CSMD1: variants seen among roughly 807,000 people sequenced by gnomAD.
CSMD1 encodes the protein CUB and sushi domain-containing protein 1.
Under a neutral mutation model 417.5 loss-of-function variants are expected in CSMD1, and 213 were observed. The ratio of observed to expected loss-of-function variants is 0.51; its 90% CI spans 0.46 to 0.57. The LOEUF is 0.57. Among genes scored for constraint, CSMD1 ranks in the 20% least tolerant of loss-of-function variants. The pLI is 0.00. For missense variants in CSMD1, 6,923 were observed against 4,529.7 expected (o/e 1.53, Z -15.17); for synonymous variants, 2,862 against 1,736.8 (o/e 1.65, Z -16.11).
chr8:4,000,038 T>C (rs1384822705), intron 4 of CSMD1, among the ~76,000 whole-genome samples: 10 of 152,368 alleles, frequency 6.6e-5, no homozygotes, highest in African/African-American at 1.9e-4. Flanking sequence ...AATAACTGTG[T>C]GTATACTACA....
chr8:3,977,937 G>C lies in CSMD1; in HGVS notation c.818+19966C>G, dbSNP rs186604928. Among the ~76,000 whole-genome samples the C allele has an allele frequency of 2.0e-5, 3 of 152,202 alleles. No individual in the cohort carries two copies. In the South Asian group the frequency reaches 6.2e-4, roughly 32 times the overall value. On this transcript the variant is annotated intron_variant, in intron 5 of 69. Coordinates refer to ENST00000635120, the MANE Select transcript of CSMD1 (RefSeq NM_033225.6). ...CATGTCAGCCACATCGTGCCATGGA[G>C]AGGTCATGTGCACGGCTGCCTTTTA...
intron 1 of CSMD1, among the ~76,000 whole-genome samples, chr8:4,850,908 C>T (rs967015330): frequency 6.8e-6 from 1 of 147,456 alleles, no homozygotes; most frequent in African/African-American, 2.5e-5. Flanking sequence ...TTTCCCTTGC[C>T]CCCCCACTTT....
chr8:3,461,282 G>C (rs998259468), intron 12 of CSMD1, among the ~76,000 whole-genome samples: 9 of 152,208 alleles, frequency 5.9e-5, no homozygotes, highest in African/African-American at 1.9e-4. Flanking sequence ...AAGTCCAGAA[G>C]GCTTTTGCTG....
intron 1 of CSMD1, among the ~76,000 whole-genome samples, chr8:4,937,314 A>T (rs938762435): frequency 6.6e-6 from 1 of 152,226 alleles, no homozygotes; most frequent in Non-Finnish European, 1.5e-5. Context: ...GGACTCTACA[A>T]GTTACTTTCC....
chr8:4,807,444 G>C (rs927609882), intron 1 of CSMD1, among the ~76,000 whole-genome samples: 1 of 152,110 alleles, frequency 6.6e-6, no homozygotes, highest in Non-Finnish European at 1.5e-5. Context: ...AGACTCATGG[G>C]GCACACTTGA....
intron 49 of CSMD1, among the ~76,000 whole-genome samples, chr8:3,068,792 C>A (rs923465461): frequency 2.6e-5 from 4 of 152,084 alleles, no homozygotes; most frequent in African/African-American, 9.7e-5. Context: ...GAGGGATCCA[C>A]CCCCATGATC....
At chr8:4,073,222 T>G (rs1456980651) in intron 3 of CSMD1, among the ~76,000 whole-genome samples, 1 of 152,044 alleles carries the variant, frequency 6.6e-6, no homozygotes, top group Non-Finnish European at 1.5e-5. Context: ...TTTTTAAAAA[T>G]AAAAAGCAAT....
At chr8:4,186,290 G>A (rs536034285) in intron 3 of CSMD1, among the ~76,000 whole-genome samples, 3 of 152,204 alleles carry the variant, frequency 2.0e-5, no homozygotes, top group East Asian at 1.9e-4. Flanking sequence ...AAGGAGGCCC[G>A]TGTTCAAGGT....
At chr8:3,466,425 T>G (rs749116500) in intron 12 of CSMD1, among the ~76,000 whole-genome samples, 2 of 152,046 alleles carry the variant, frequency 1.3e-5, no homozygotes, top group African/African-American at 2.4e-5. Context: ...TTTTTCTTTT[T>G]TTAAGATGGA....
At chr8:3,949,670 G>C (rs187505807) in intron 5 of CSMD1, among the ~76,000 whole-genome samples, 2 of 152,062 alleles carry the variant, frequency 1.3e-5, no homozygotes, top group Non-Finnish European at 2.9e-5. Context: ...ATGAGAGAAA[G>C]GAGGAGGAGA....
rs193061253 is a variant in CSMD1 at position 4,675,797 on chromosome 8, G to A, written c.86-38239C>T. On this transcript the variant is annotated intron_variant, in intron 1 of 69. Coordinates refer to ENST00000635120, the MANE Select transcript of CSMD1 (RefSeq NM_033225.6). ...GCCTGTGTTTACATTCAGGTACTCT[G>A]TTTTCTTTGAACGAAAGCCAAAGGT... is the stretch of plus-strand genomic sequence containing the variant. Among the ~76,000 whole-genome samples the A allele has an allele frequency of 1.5e-3, 229 of 152,184 alleles. 1 individual carries two copies. The highest frequency in any genetic ancestry group is 2.8e-3 in the Non-Finnish European group (192 of 68,018).
chr8:3,275,520 G>T (rs1802215496), intron 26 of CSMD1, among the ~76,000 whole-genome samples: 1 of 152,208 alleles, frequency 6.6e-6, no homozygotes, highest in Non-Finnish European at 1.5e-5. Flanking sequence ...ATCCTGCAGA[G>T]TGTTTTCCTA....
chr8:4,947,904 T>G (rs1404128387), intron 1 of CSMD1, among the ~76,000 whole-genome samples: 1 of 152,126 alleles, frequency 6.6e-6, no homozygotes, highest in Non-Finnish European at 1.5e-5. Flanking sequence ...TCCATTCTCC[T>G]GTAAGACATT....
chr8:4,075,413 T>A (rs1799770781), intron 3 of CSMD1, among the ~76,000 whole-genome samples: 1 of 152,180 alleles, frequency 6.6e-6, no homozygotes, highest in East Asian at 1.9e-4. Context: ...ATTTTTAATA[T>A]CAAAATAAAT....
Position 4,279,492 on chromosome 8 carries a change from T to G in CSMD1, c.415+140461A>C, listed in dbSNP as rs559325338. Among the ~76,000 whole-genome samples, 367 of 152,314 alleles carry G rather than the reference T, an allele frequency of 2.4e-3. 7 individuals are homozygous for G. Among genetic ancestry groups the G allele is most frequent in the Non-Finnish European group, 1.0e-3 (71 of 68,042 alleles). On this transcript the variant is annotated intron_variant, in intron 3 of 69. Coordinates refer to ENST00000635120, the MANE Select transcript of CSMD1 (RefSeq NM_033225.6). Reference sequence around the variant, plus strand: ...AATAGCGTTTTTTCATGAGCAGGAATACTGACTTTATTACTCAATGTCAAT... The same window carrying G: ...AATAGCGTTTTTTCATGAGCAGGAAGACTGACTTTATTACTCAATGTCAAT...
intron 2 of CSMD1, among the ~76,000 whole-genome samples, chr8:4,617,635 C>G (rs537529051): frequency 2.4e-4 from 36 of 152,252 alleles, no homozygotes; most frequent in African/African-American, 8.7e-4. Context: ...AATACTCTTC[C>G]CAGATCTCCA....
At chr8:3,307,983 C>G (rs1805015638) in intron 24 of CSMD1, among the ~76,000 whole-genome samples, 162 bp from the exon 25 acceptor site, 1 of 152,106 alleles carries the variant, frequency 6.6e-6, no homozygotes, top group South Asian at 2.1e-4. Context: ...TCTTCCAAAT[C>G]ATTACCTCTG....
chr8:4,314,351 T>C (rs1798802332), intron 3 of CSMD1, among the ~76,000 whole-genome samples: 2 of 152,320 alleles, frequency 1.3e-5, no homozygotes, highest in South Asian at 2.1e-4. Context: ...CCACCTGCCA[T>C]AGAACATTTC....
intron 4 of CSMD1, among the ~76,000 whole-genome samples, chr8:4,007,870 T>G (rs924171083): frequency 2.6e-5 from 4 of 152,174 alleles, no homozygotes; most frequent in Non-Finnish European, 5.9e-5. Context: ...TATTTAGTTA[T>G]AGAGATCTGT....
Sources: allele counts gnomAD v4.1 joint callset (sites outside exome capture counted in the v4.1 genomes callset), GRCh38; gene constraint gnomAD v4.1.1; transcripts MANE v1.5; gene names NCBI Gene and HGNC (gene_info 2026-07-23, HGNC 2026-07-21).